Variants in CADM2 observed in about 807,000 individuals in gnomAD.
CADM2 encodes the protein immunoglobulin superfamily member 4D.
In CADM2, 12 loss-of-function variants were observed where a neutral mutation model predicts 49.8. The ratio of observed to expected loss-of-function variants is 0.24; its 90% CI spans 0.15 to 0.39. CADM2 has a LOEUF of 0.39. Among genes scored for constraint, CADM2 ranks in the 10% least tolerant of loss-of-function variants. The probability of loss-of-function intolerance (pLI) is 1.00; values close to 1 mark genes in which losing one functional copy is unlikely to be tolerated. For synonymous variants in CADM2, 214 were observed against 175.4 expected, an observed-to-expected ratio of 1.22 and a Z score of -1.74; for missense variants, 378 against 492.3, an observed-to-expected ratio of 0.77 and a Z score of 2.20.
intron 1 of CADM2, among the ~76,000 whole-genome samples, chr3:85,078,151 T>G (rs2037019502): frequency 6.6e-6 from 1 of 152,050 alleles, no homozygotes; most frequent in Admixed American, 6.5e-5. Context: ...AAATGGCTGG[T>G]AACTAAACTC....
chr3:85,231,457 G>T (rs573669194), intron 1 of CADM2, among the ~76,000 whole-genome samples: 1 of 151,950 alleles, frequency 6.6e-6, no homozygotes, highest in East Asian at 1.9e-4. Flanking sequence ...GAAGAGGATG[G>T]ATATAAGAGA....
chr3:85,715,689 T>G (rs987959788), intron 1 of CADM2, among the ~76,000 whole-genome samples: 1 of 152,246 alleles, frequency 6.6e-6, no homozygotes, highest in Non-Finnish European at 1.5e-5. Context: ...CAGTGTGTGA[T>G]GTTCGCCTCT....
At chr3:86,053,841 A>G (rs1737613058) in intron 8 of CADM2, among the ~76,000 whole-genome samples, 1 of 152,008 alleles carries the variant, frequency 6.6e-6, no homozygotes, top group Non-Finnish European at 1.5e-5. Flanking sequence ...TTAATAAAGT[A>G]ATAAGAATAA....
chr3:85,242,322 G>A (rs1171497880), intron 1 of CADM2, among the ~76,000 whole-genome samples: 2 of 149,758 alleles, frequency 1.3e-5, no homozygotes, highest in Non-Finnish European at 3.0e-5. Flanking sequence ...GTTTTTGAAG[G>A]GGTGAAAAAA....
intron 5 of CADM2, among the ~76,000 whole-genome samples, chr3:85,901,607 A>C (rs781028713): frequency 2.0e-5 from 3 of 152,218 alleles, no homozygotes; most frequent in Non-Finnish European, 4.4e-5. Flanking sequence ...AATTGAAGCC[A>C]AACCTGGGGT....
At chr3:85,709,394 A>G (rs1577134554) in intron 1 of CADM2, among the ~76,000 whole-genome samples, 1 of 152,080 alleles carries the variant, frequency 6.6e-6, no homozygotes, top group Admixed American at 6.6e-5. Context: ...ACCATATTAC[A>G]CTGTTGTTTG....
At chr3:85,082,842 A>T (rs1429094953) in intron 1 of CADM2, among the ~76,000 whole-genome samples, 2 of 152,140 alleles carry the variant, frequency 1.3e-5, no homozygotes, top group African/African-American at 2.4e-5. Flanking sequence ...TGTTGGCAGC[A>T]AACACAAAGC....
chr3:85,763,596 G>A (rs2069504418), intron 2 of CADM2, among the ~76,000 whole-genome samples: 1 of 152,102 alleles, frequency 6.6e-6, no homozygotes, highest in African/African-American at 2.4e-5. Context: ...AAGTGGGTTG[G>A]TGATGTGGCC....
intron 1 of CADM2, among the ~76,000 whole-genome samples, chr3:85,454,347 T>G (rs6810225): frequency 1.3e-5 from 2 of 151,424 alleles, no homozygotes; most frequent in African/African-American, 2.4e-5. Context: ...AAAAAGTTTT[T>G]AAAAAAATGC....
chr3:85,606,381 A>G (rs905777410), intron 1 of CADM2, among the ~76,000 whole-genome samples: 3 of 152,152 alleles, frequency 2.0e-5, no homozygotes, highest in Admixed American at 6.6e-5. Context: ...CTGGAATCTA[A>G]TAATTGCACA....
chr3:85,915,787 A>G (rs2108489767), intron 6 of CADM2, among the ~76,000 whole-genome samples: 1 of 152,278 alleles, frequency 6.6e-6, no homozygotes, highest in East Asian at 1.9e-4. Context: ...AATAACCTAA[A>G]AGACTGGCCC....
At chr3:85,561,918 G>A (rs2122233) in intron 1 of CADM2, among the ~76,000 whole-genome samples, 77,921 of 151,950 alleles carry the variant, frequency 0.51, 23,047 homozygotes, top group East Asian at 0.85. Flanking sequence ...ATTAAAAACA[G>A]AAAATAAGCA....
intron 1 of CADM2, among the ~76,000 whole-genome samples, chr3:85,490,248 C>T (rs2039615738): frequency 6.6e-6 from 1 of 152,118 alleles, no homozygotes; most frequent in South Asian, 2.1e-4. Context: ...CAAGATTACA[C>T]ACCTAAGGTT....
chr3:85,310,444 A>C (rs555868286), intron 1 of CADM2, among the ~76,000 whole-genome samples: 6 of 152,302 alleles, frequency 3.9e-5, no homozygotes, highest in African/African-American at 1.4e-4. Context: ...CTTAACCACA[A>C]TACAAGCATT....
rs1303252992 is a variant in CADM2, at chr3:85,582,970, A to G, written c.62-143552A>G. Among the ~76,000 whole-genome samples the G allele has an allele frequency of 2.0e-5, 3 of 152,120 alleles. No individual in the cohort carries two copies. In the East Asian group the frequency reaches 5.8e-4, roughly 29 times the overall value. On this transcript the variant is annotated intron_variant, in intron 1 of 9. Coordinates refer to ENST00000383699, the MANE Select transcript of CADM2 (RefSeq NM_001167675.2). ...AGGGTGGTAATAATACCTACCCCAA[A>G]AAAGAAAAAAGGTGTTTAGGACTGA... is the stretch of plus-strand genomic sequence containing the variant.
rs549057712 is a variant in CADM2, at chr3:85,455,417, C to G, written c.62-271105C>G. ...TGATCAAACAATATTCTGTTACATCCACCCTACTGATGTCTTCAAAGAAAG... is the reference window on the plus strand; with the variant it reads ...TGATCAAACAATATTCTGTTACATCGACCCTACTGATGTCTTCAAAGAAAG... On this transcript the variant is annotated intron_variant, in intron 1 of 9. Coordinates refer to ENST00000383699, the MANE Select transcript of CADM2 (RefSeq NM_001167675.2). Among the ~76,000 whole-genome samples the G allele has an allele frequency of 2.2e-3, 335 of 152,286 alleles. 2 individuals carry two copies. The highest frequency in any genetic ancestry group is 7.7e-3 in the African/African-American group (321 of 41,542).
At chr3:85,358,188 T>A (rs2032032999) in intron 1 of CADM2, among the ~76,000 whole-genome samples, 1 of 152,032 alleles carries the variant, frequency 6.6e-6, no homozygotes, top group African/African-American at 2.4e-5. Context: ...TAGATGCCAG[T>A]AGCATCTTGT....
intron 1 of CADM2, among the ~76,000 whole-genome samples, chr3:85,434,681 A>G (rs114733991): frequency 0.014 from 2,131 of 152,220 alleles, 49 homozygotes; most frequent in African/African-American, 0.048. Context: ...TTCTGATAAT[A>G]TTTAAATTTA....
At position 85,488,770 on chromosome 3, in the gene CADM2, C is replaced by A. The variant is rs978671670; in HGVS notation, c.62-237752C>A. The stretch of plus-strand genomic sequence containing the variant: ...TAGTCTTATCTCTTGACCTCATGAT[C>A]TGCTCTCCTCGGCCTCCCAAAGTGC... On this transcript the variant is annotated intron_variant, in intron 1 of 9. Coordinates refer to ENST00000383699, the MANE Select transcript of CADM2 (RefSeq NM_001167675.2). 2.6e-5 allele frequency among the ~76,000 whole-genome samples: 4 copies of A among 152,052 alleles called. No homozygotes were observed. In the East Asian group the frequency reaches 7.7e-4, roughly 29 times the overall value.
Sources: gnomAD v4.1 joint callset for allele counts (sites outside exome capture counted in the v4.1 genomes callset) on GRCh38, gnomAD v4.1.1 for gene constraint, MANE v1.5 for transcripts, NCBI Gene and HGNC (gene_info 2026-07-23, HGNC 2026-07-21) for gene names.